SGCD: variants seen among roughly 807,000 people sequenced by gnomAD.
SGCD encodes delta-sarcoglycan.
A neutral mutation model predicts 36.6 loss-of-function variants in SGCD; 18 were observed. That is an observed-to-expected ratio of 0.49 (90% confidence interval 0.34 to 0.73). The LOEUF is 0.73. SGCD is among the 30% of genes least tolerant of loss of function. The pLI, the probability that SGCD is intolerant of heterozygous loss-of-function variation, is 0.01. For synonymous variants in SGCD, 133 were observed against 130.6 expected, an observed-to-expected ratio of 1.02 and a Z score of -0.12; for missense variants, 387 against 346.7, an observed-to-expected ratio of 1.12 and a Z score of -0.92.
intron 1 of SGCD, among the ~76,000 whole-genome samples, chr5:155,977,518 A>G (rs569773022): frequency 6.2e-4 from 94 of 152,286 alleles, no homozygotes; most frequent in South Asian, 4.4e-3. Flanking sequence ...GGAATAAATG[A>G]ATGATTGGGT....
At chr5:156,120,033 T>G (rs1761997722) in intron 2 of SGCD, among the ~76,000 whole-genome samples, 1 of 152,198 alleles carries the variant, frequency 6.6e-6, no homozygotes, top group Non-Finnish European at 1.5e-5. Context: ...TCTTTCACAT[T>G]ATTCCTAGTA....
chr5:155,848,705 T>C, the SGCD span, among the ~76,000 whole-genome samples: 5 of 152,200 alleles, frequency 3.3e-5, no homozygotes, highest in South Asian at 1.0e-3. Context: ...TTCCCCCAGC[T>C]ATTTGTGAAA....
chr5:156,100,937 C>T (rs1334686269), intron 1 of SGCD, among the ~76,000 whole-genome samples: 1 of 152,066 alleles, frequency 6.6e-6, no homozygotes, highest in Non-Finnish European at 1.5e-5. Context: ...AAGCCTAAAT[C>T]CCCCTAATAT....
the SGCD span, among the ~76,000 whole-genome samples, chr5:155,744,820 C>A: frequency 6.6e-6 from 1 of 152,110 alleles, no homozygotes; most frequent in Non-Finnish European, 1.5e-5. Flanking sequence ...AAAAGAGGTA[C>A]AACATTTGAT....
intron 3 of SGCD, among the ~76,000 whole-genome samples, chr5:156,431,949 C>T (rs1753031512): frequency 6.6e-6 from 1 of 152,144 alleles, no homozygotes; most frequent in Admixed American, 6.5e-5. Flanking sequence ...CTTCTGAACT[C>T]AGGTGATCTG....
At chr5:156,472,694 A>G (rs958140154) in intron 3 of SGCD, among the ~76,000 whole-genome samples, 1 of 152,210 alleles carries the variant, frequency 6.6e-6, no homozygotes, top group Non-Finnish European at 1.5e-5. Flanking sequence ...CTTGGATGGG[A>G]TTACAGGAGT....
intron 6 of SGCD, among the ~76,000 whole-genome samples, chr5:156,605,305 G>T (rs1411552022): frequency 6.6e-6 from 1 of 152,050 alleles, no homozygotes; most frequent in African/African-American, 2.4e-5. Flanking sequence ...GCAGTGTTTG[G>T]TTTTTTGTCC....
At chr5:156,432,597 C>T (rs544089333) in intron 3 of SGCD, among the ~76,000 whole-genome samples, 4 of 152,176 alleles carry the variant, frequency 2.6e-5, no homozygotes, top group South Asian at 2.1e-4. Flanking sequence ...CAGGGTTAGG[C>T]GGGTCTGAGC....
chr5:155,933,966 C>T (rs1012695057), intron 1 of SGCD, among the ~76,000 whole-genome samples: 4 of 152,158 alleles, frequency 2.6e-5, no homozygotes, highest in African/African-American at 9.7e-5. Flanking sequence ...GAAATGAAAC[C>T]ATGATCTAGG....
chr5:156,060,263 C>T (rs1760169838), intron 1 of SGCD, among the ~76,000 whole-genome samples: 1 of 146,044 alleles, frequency 6.8e-6, no homozygotes, highest in Non-Finnish European at 1.5e-5. Context: ...GCCTTGAATG[C>T]CACGCTAAGA....
intron 3 of SGCD, among the ~76,000 whole-genome samples, chr5:156,214,464 AT>A (rs1257061298): frequency 6.6e-6 from 1 of 152,078 alleles, no homozygotes; most frequent in Non-Finnish European, 1.5e-5. Context: ...TAAAGAAGCC[AT>A]AAATAAATGG....
intron 4 of SGCD, among the ~76,000 whole-genome samples, chr5:156,583,309 C>T (rs778549941): frequency 2.0e-5 from 3 of 152,296 alleles, no homozygotes; most frequent in Non-Finnish European, 2.9e-5. Context: ...TCCCTTACCT[C>T]CTGCCCTGTA....
intron 3 of SGCD, among the ~76,000 whole-genome samples, chr5:156,275,061 A>G (rs1766281579): frequency 6.6e-6 from 1 of 152,202 alleles, no homozygotes; most frequent in African/African-American, 2.4e-5. Flanking sequence ...TTAAAGGTTG[A>G]CAACTAATTT....
chr5:156,359,435 G>T (rs537920229), intron 3 of SGCD, among the ~76,000 whole-genome samples: 3 of 152,174 alleles, frequency 2.0e-5, no homozygotes, highest in Non-Finnish European at 4.4e-5. Context: ...CTCTGTAACA[G>T]CCCTAGAAGA....
At chr5:156,549,148 A>G (rs762795256) in intron 4 of SGCD, among the ~76,000 whole-genome samples, 2 of 143,862 alleles carry the variant, frequency 1.4e-5, no homozygotes, top group African/African-American at 6.0e-5. Context: ...TTTTAGGACT[A>G]TTTAACATTC....
intron 3 of SGCD, among the ~76,000 whole-genome samples, chr5:156,143,562 T>C (rs1024580410): frequency 6.6e-6 from 1 of 152,210 alleles, no homozygotes; most frequent in African/African-American, 2.4e-5. Flanking sequence ...TCCCTGCAAA[T>C]CTACAGGGGC....
intron 3 of SGCD, among the ~76,000 whole-genome samples, chr5:156,351,170 C>A (rs1769230611): frequency 6.6e-6 from 1 of 152,132 alleles, no homozygotes; most frequent in African/African-American, 2.4e-5. Flanking sequence ...AGCTGAGGAC[C>A]TTCTCCTTGC....
At chr5:156,687,194 G>C (rs547755772) in intron 7 of SGCD, among the ~76,000 whole-genome samples, 50 of 152,258 alleles carry the variant, frequency 3.3e-4, no homozygotes, top group African/African-American at 1.1e-3. Flanking sequence ...AGGAACATAG[G>C]GACAGAATTA....
chr5:156,194,206 T>C (rs1015366883), intron 3 of SGCD, among the ~76,000 whole-genome samples: 1 of 151,974 alleles, frequency 6.6e-6, no homozygotes, highest in African/African-American at 2.4e-5. Context: ...CAAAACCCCA[T>C]CTCTACCACA....
Sources: allele counts gnomAD v4.1 joint callset (sites outside exome capture counted in the v4.1 genomes callset), GRCh38; gene constraint gnomAD v4.1.1; transcripts MANE v1.5; gene names NCBI Gene and HGNC (gene_info 2026-07-23, HGNC 2026-07-21).